The following TANGO6 variants were observed in gnomAD, a reference collection of about 807,000 sequenced individuals.
TANGO6 encodes the protein transport and Golgi organization protein 6 homolog.
A neutral mutation model predicts 114.2 loss-of-function variants in TANGO6; 90 were observed. The ratio of observed to expected loss-of-function variants is 0.79; its 90% confidence interval spans 0.66 to 0.94. The LOEUF is 0.94. Among genes scored for constraint, TANGO6 ranks in the 40% least tolerant of loss-of-function variants. The probability of loss-of-function intolerance (pLI) is 0.00; values close to 1 mark genes in which losing one functional copy is unlikely to be tolerated. For synonymous variants in TANGO6, 477 were observed against 509.8 expected, an observed-to-expected ratio of 0.94 and a Z score of 0.87; for missense variants, 1,274 against 1,315.3, an observed-to-expected ratio of 0.97 and a Z score of 0.49.
intron 16 of TANGO6, among the ~76,000 whole-genome samples, chr16:69,023,336 A>G (rs1959445440): frequency 6.6e-6 from 1 of 152,004 alleles, no homozygotes; most frequent in Admixed American, 6.6e-5. Context: ...CATGCCTATA[A>G]TCCCGGCTAC....
At chr16:68,962,761 CA>C (rs1223815470) in intron 14 of TANGO6, among the ~76,000 whole-genome samples, 1 of 149,142 alleles carries the variant, frequency 6.7e-6, no homozygotes, top group Non-Finnish European at 1.5e-5. Context: ...AACTCTGTCT[CA>C]AAAAAATAAT....
intron 16 of TANGO6, among the ~76,000 whole-genome samples, chr16:69,037,780 C>G (rs1031018966): frequency 6.6e-6 from 1 of 152,198 alleles, no homozygotes; most frequent in African/African-American, 2.4e-5. Context: ...TGGGATTTTC[C>G]TTCACTTGCA....
rs1962068981 is a variant in TANGO6, at chr16:68,860,209, A to T, written c.420A>T (p.Ser140=). ...PALSPDALSI[S]QQKTVQFVLQ... ...TGAGCCCCGATGCACTTAGTATCTCACAACAGAAGACTGTCCAGTTCGTTT... is the reference window on the plus strand; with the variant it reads ...TGAGCCCCGATGCACTTAGTATCTCTCAACAGAAGACTGTCCAGTTCGTTT... Residue 140 remains serine, a synonymous_variant, in exon 2 of 18, where the codon TCA becomes TCT. Transcript: ENST00000261778. 6.2e-7 allele frequency: 1 copy of T among 1,612,452 alleles called. No homozygotes were observed. The highest frequency in any genetic ancestry group is 1.7e-5 in the Admixed American group (1 of 59,998).
intron 11 of TANGO6, 26 bp downstream of exon 11, chr16:68,909,428 G>A (rs373960039): frequency 1.0e-5 from 15 of 1,452,562 alleles, no homozygotes; most frequent in South Asian, 6.1e-5. Context: ...ATTCTGGACC[G>A]CAGCCTTTTT....
intron 16 of TANGO6, among the ~76,000 whole-genome samples, chr16:69,027,890 C>T (rs1959530686): frequency 1.3e-5 from 2 of 152,060 alleles, no homozygotes; most frequent in Admixed American, 6.6e-5. Context: ...GAGCAATTCT[C>T]CTGCTACAGC....
Position 68,860,181 on chromosome 16 carries a change from C to T in TANGO6, c.392C>T (p.Ala131Val). 6.2e-7 allele frequency: 1 copy of T among 1,614,020 alleles called. No individual in the cohort carries two copies. The highest frequency in any genetic ancestry group is 8.5e-7 in the Non-Finnish European group (1 of 1,179,908). Residue 131 changes from alanine (A) to valine (V), a missense_variant, in exon 2 of 18, where the codon GCC becomes GTC. By Grantham distance (64) the Ala-to-Val change is moderately conservative. Coordinates refer to ENST00000261778, the MANE Select transcript of TANGO6 (RefSeq NM_024562.2). ...CCTAGGACTCCGGAAGTTGCTCCTG[C>T]CCTGAGCCCCGATGCACTTAGTATC... The part of the protein sequence containing the change: ...PNPRTPEVAP[A>V]LSPDALSISQ...
rs575877004 is a variant in TANGO6, at chr16:69,067,708, C to T, written c.3109-15777C>T. Among the ~76,000 whole-genome samples the T allele has an allele frequency of 4.6e-5, 7 of 151,820 alleles. No individual in the cohort carries two copies. In the East Asian group the frequency reaches 9.7e-4, roughly 21 times the overall value. On this transcript the variant is annotated intron_variant, in intron 17 of 17. Transcript: ENST00000261778. ...ATCCCAGCACTTTGGGAGGCCGAGG[C>T]GGGCGGATCACTTGAAGTTGGGAGT...
Position 69,085,132 on chromosome 16 carries a change from T to C in TANGO6, c.*1471T>C, listed in dbSNP as rs1344248573. 6.6e-6 allele frequency: 1 copy of C among 152,392 alleles called. No individual in the cohort carries two copies. Among genetic ancestry groups the C allele is most frequent in the Non-Finnish European group, 1.5e-5 (1 of 68,052 alleles). The allele number at this position is 152,392 out of a possible 1,614,324, so 9.4% of individuals were successfully genotyped here. The stretch of plus-strand genomic sequence containing the variant: ...TTTCAAATCTAAGAAGAATCTCCTT[T>C]GGGCCAGCTGGATGTACAATAAAAA... On this transcript the variant is annotated 3_prime_UTR_variant, in exon 18 of 18. Transcript: ENST00000261778.
chr16:69,026,990 G>A (rs1959512741), intron 16 of TANGO6, among the ~76,000 whole-genome samples: 3 of 152,142 alleles, frequency 2.0e-5, no homozygotes, highest in African/African-American at 7.2e-5. Context: ...AGCCTCCTGA[G>A]TAGCTGGGAT....
At chr16:68,900,975 G>C (rs1465918081) in intron 8 of TANGO6, among the ~76,000 whole-genome samples, 1 of 152,192 alleles carries the variant, frequency 6.6e-6, no homozygotes, top group Non-Finnish European at 1.5e-5. Flanking sequence ...TGGTGTTGGT[G>C]ATGCAGTGTG....
At chr16:69,027,062 C>G (rs549721312) in intron 16 of TANGO6, among the ~76,000 whole-genome samples, 7 of 152,248 alleles carry the variant, frequency 4.6e-5, no homozygotes, top group Non-Finnish European at 8.8e-5. Context: ...GGCATTTCGC[C>G]ATGTTGGCCA....
chr16:68,885,152 G>A (rs531186818), intron 7 of TANGO6, among the ~76,000 whole-genome samples: 6 of 152,244 alleles, frequency 3.9e-5, no homozygotes, highest in South Asian at 2.1e-4. Flanking sequence ...GGAAAATATC[G>A]GGGATGGGTA....
intron 1 of TANGO6, chr16:68,846,893 C>G (rs1596985310): frequency 7.0e-6 from 1 of 143,062 alleles, no homozygotes; most frequent in South Asian, 2.2e-4. Context: ...GAGGTAATAC[C>G]TTTTTTTTTT....
chr16:68,898,940 A>T (rs1037232632), intron 7 of TANGO6, among the ~76,000 whole-genome samples: 1 of 132,424 alleles, frequency 7.6e-6, no homozygotes, highest in Non-Finnish European at 1.6e-5. Flanking sequence ...ACTTGCAATT[A>T]TCTGCCTTAT....
intron 15 of TANGO6, among the ~76,000 whole-genome samples, chr16:69,008,957 C>G (rs1228445927): frequency 6.6e-6 from 1 of 151,340 alleles, no homozygotes; most frequent in Admixed American, 6.6e-5. Flanking sequence ...TAATTTTGTA[C>G]ATGTGTCAAG....
chr16:69,083,767 G>T lies in TANGO6; in HGVS notation c.*106G>T. 7.6e-7 allele frequency: 1 copy of T among 1,315,254 alleles called. No individual in the cohort carries two copies. The highest frequency in any genetic ancestry group is 1.0e-6 in the Non-Finnish European group (1 of 974,618). 81.5% of individuals were successfully genotyped at this position (1,315,254 alleles called of 1,614,324 possible). A position where few individuals can be genotyped will look rare whatever the true frequency, so the allele number is the denominator to read the frequency against. On this transcript the variant is annotated 3_prime_UTR_variant, in exon 18 of 18. Transcript: ENST00000261778. Reference sequence around the variant, plus strand: ...CTGCCTCTTGAGTGCTGGCAGCATGGCTGACCCTCGGGGTGGTTTTATGGT... The same window carrying T: ...CTGCCTCTTGAGTGCTGGCAGCATGTCTGACCCTCGGGGTGGTTTTATGGT...
rs978384239 is a variant in TANGO6, at chr16:68,932,105, T to C, written c.2701+1810T>C. ...AATACAATAAAAAAAATTTTTTTTTTTTGAGACGGAGTTTCACTCTTGTTG... is the reference window on the plus strand; with the variant it reads ...AATACAATAAAAAAAATTTTTTTTTCTTGAGACGGAGTTTCACTCTTGTTG... On this transcript the variant is annotated intron_variant, in intron 14 of 17. Transcript: ENST00000261778. Among the ~76,000 whole-genome samples the C allele has an allele frequency of 5.9e-5, 9 of 152,100 alleles. 1 individual carries two copies. The highest frequency in any genetic ancestry group is 2.0e-4 in the Admixed American group (3 of 15,276).
intron 9 of TANGO6, among the ~76,000 whole-genome samples, chr16:68,907,099 A>ATTTTTTTTTT (rs546359676): frequency 2.9e-3 from 336 of 114,546 alleles, no homozygotes; most frequent in East Asian, 6.7e-3. Context: ...CCAGACCTTG[A>ATTTTTTTTTT]TTTTTTTTTT....
At chr16:68,877,460 T>C (rs908744929) in intron 5 of TANGO6, among the ~76,000 whole-genome samples, 1 of 122,402 alleles carries the variant, frequency 8.2e-6, no homozygotes, top group African/African-American at 3.5e-5. Context: ...AGGGTGAGAC[T>C]CCATCTCAAA....
Sources: allele counts gnomAD v4.1 joint callset (sites outside exome capture counted in the v4.1 genomes callset), GRCh38; gene constraint gnomAD v4.1.1; transcripts MANE v1.5; gene names NCBI Gene and HGNC (gene_info 2026-07-23, HGNC 2026-07-21).